GSDME: variants seen among roughly 807,000 people sequenced by gnomAD.
GSDME encodes gasdermin-E.
In GSDME, 44 loss-of-function variants were observed where a neutral mutation model predicts 47.5. The ratio of observed to expected loss-of-function variants is 0.93; its 90% CI spans 0.73 to 1.19. The LOEUF (loss-of-function observed/expected upper bound fraction) is 1.19. GSDME is among the 50% of genes most tolerant of loss of function. The pLI, the probability that GSDME is intolerant of heterozygous loss-of-function variation, is 0.00. For missense variants in GSDME, 663 were observed against 604.2 expected, an observed-to-expected ratio of 1.10 and a Z score of -1.02; for synonymous variants, 258 against 252.8, an observed-to-expected ratio of 1.02 and a Z score of -0.20.
chr7:24,766,132 C>T, the GSDME span, among the ~76,000 whole-genome samples: 1 of 151,602 alleles, frequency 6.6e-6, no homozygotes, highest in South Asian at 2.1e-4. This position sits in a 1 kb window ranked among gnomAD's most constrained non-coding sequence, Gnocchi z 4.2. Context: ...TAAAACAACT[C>T]CTGTAGTTCA....
the GSDME span, among the ~76,000 whole-genome samples, chr7:24,779,434 G>A: frequency 6.6e-6 from 1 of 151,784 alleles, no homozygotes; most frequent in East Asian, 1.9e-4. The surrounding 1 kb of genome is among the most constrained non-coding windows in gnomAD (Gnocchi z 6.0). Context: ...GGAGGCCCAG[G>A]AGTATGGCTG....
At position 24,712,855 on chromosome 7, in the gene GSDME, C is replaced by T. The variant is rs576824669; in HGVS notation, c.698-2467G>A. On this transcript the variant is annotated intron_variant, in intron 5 of 9. Coordinates refer to ENST00000645220, the MANE Select transcript of GSDME (RefSeq NM_001127453.2). This position sits in a 1 kb window ranked among gnomAD's most constrained non-coding sequence, Gnocchi z 4.4. ...CCAACATGGAGAAACCTCGTCTTTA[C>T]TAAAAATACAAAATTAGCCGGGCAT... Among the ~76,000 whole-genome samples the T allele has an allele frequency of 2.8e-4, 42 of 152,174 alleles. No homozygotes were observed. Among genetic ancestry groups the T allele is most frequent in the Admixed American group, 1.8e-3 (27 of 15,296 alleles).
rs755301174 is a variant in GSDME at position 24,717,247 on chromosome 7, C to T, written c.697+7G>A. On this transcript the variant is annotated splice_region_variant and intron_variant, in intron 5 of 9. Coordinates refer to ENST00000645220, the MANE Select transcript of GSDME (RefSeq NM_001127453.2). ...ATCCCTCAGCACCCATAGGAGGTGG[C>T]ACTCACCGAACTGGCCGTCCAGTTT... 6.0e-6 allele frequency: 9 copies of T among 1,495,438 alleles called. No homozygotes were observed. Among genetic ancestry groups the T allele is most frequent in the Middle Eastern group, 1.9e-4 (1 of 5,154 alleles). The allele number at this position is 1,495,438 out of a possible 1,614,324, so 92.6% of individuals were successfully genotyped here. A position where few individuals can be genotyped will look rare whatever the true frequency, so the allele number is the denominator to read the frequency against.
rs953326473 is a variant in GSDME, at chr7:24,757,239, A to C, written c.-20+157T>G. 5.3e-5 allele frequency among the ~76,000 whole-genome samples: 8 copies of C among 151,708 alleles called. No individual in the cohort carries two copies. The highest frequency in any genetic ancestry group is 1.9e-4 in the African/African-American group (8 of 41,252). ...GTTCCGGCGGCCGGGCAGCCAATCGATTCGTCTCCCCTAGGAAGGAGCGAG... is the reference window on the plus strand; with the variant it reads ...GTTCCGGCGGCCGGGCAGCCAATCGCTTCGTCTCCCCTAGGAAGGAGCGAG... On this transcript the variant is annotated intron_variant, in intron 1 of 9. Coordinates refer to ENST00000645220, the MANE Select transcript of GSDME (RefSeq NM_001127453.2). This position sits in a 1 kb window ranked among gnomAD's most constrained non-coding sequence, Gnocchi z 5.9.
chr7:24,711,729 C>T (rs1438447158), intron 5 of GSDME, among the ~76,000 whole-genome samples: 2 of 151,330 alleles, frequency 1.3e-5, no homozygotes, highest in East Asian at 2.0e-4. Flanking sequence ...GTAGGAGGAT[C>T]CCTTAAGCCC....
chr7:24,781,002 C>G, the GSDME span, among the ~76,000 whole-genome samples: 1 of 152,248 alleles, frequency 6.6e-6, no homozygotes, highest in East Asian at 1.9e-4. Flanking sequence ...TTGGGAAACA[C>G]TGGCGTGGCC....
rs1226426418 is a variant in GSDME at position 24,744,764 on chromosome 7, A to G, written c.212-10T>C. ...TCCGACTCCACGACCACTGGAATGG[A>G]GGAGACGAGCAGAGGAAGCCGATGA... On this transcript the variant is annotated splice_polypyrimidine_tract_variant and intron_variant, in intron 2 of 9. Transcript: ENST00000645220. The surrounding 1 kb of genome is among the most constrained non-coding windows in gnomAD (Gnocchi z 4.5). 6.2e-7 allele frequency: 1 copy of G among 1,613,886 alleles called. No homozygotes were observed. Among genetic ancestry groups the G allele is most frequent in the Non-Finnish European group, 8.5e-7 (1 of 1,179,994 alleles).
In GSDME at chr7:24,724,461, G is replaced by A. The variant is rs917984949; in HGVS notation, c.405-5243C>T. On this transcript the variant is annotated intron_variant, in intron 3 of 9. Coordinates refer to ENST00000645220, the MANE Select transcript of GSDME (RefSeq NM_001127453.2). This position sits in a 1 kb window ranked among gnomAD's most constrained non-coding sequence, Gnocchi z 4.8. ...ATCCGCTTCACACATCTAAGGGCAG[G>A]CTCCTTGTTCTTCCTGGCGGGGGCG... Among the ~76,000 whole-genome samples the A allele has an allele frequency of 1.3e-5, 2 of 152,194 alleles. No homozygotes were observed. Among genetic ancestry groups the A allele is most frequent in the Non-Finnish European group, 2.9e-5 (2 of 68,040 alleles).
In GSDME at chr7:24,699,053, GA is replaced by G; in HGVS notation, c.1463del (p.Leu488ProfsTer4). The G allele has an allele frequency of 6.2e-7, 1 of 1,613,634 alleles. No homozygotes were observed. The highest frequency in any genetic ancestry group is 8.5e-7 in the Non-Finnish European group (1 of 1,179,556). The part of the protein sequence containing the change: ...PLLLCITLNG[L>X]CALGREHS ...ATGAATGTTCTCTGCCTAAAGCACA[GA>G]GTCCATTCAGGGTTATACAAAGAAG... On this transcript the variant is annotated frameshift_variant, in exon 10 of 10. Coordinates refer to ENST00000645220, the MANE Select transcript of GSDME (RefSeq NM_001127453.2). LOFTEE classifies it high-confidence loss of function.
chr7:24,698,887 T>A lies in GSDME; in HGVS notation c.*139A>T. 1.4e-6 allele frequency: 1 copy of A among 733,300 alleles called. No individual in the cohort carries two copies. The highest frequency in any genetic ancestry group is 2.4e-6 in the Non-Finnish European group (1 of 413,388). The allele number at this position is 733,300 out of a possible 1,614,324, so 45.4% of individuals were successfully genotyped here. A position where few individuals can be genotyped will look rare whatever the true frequency, so the allele number is the denominator to read the frequency against. On this transcript the variant is annotated 3_prime_UTR_variant, in exon 10 of 10. Transcript: ENST00000645220. Reference sequence around the variant, plus strand: ...ACCTGGTGGCTAAAAGTCAGGTCATTCATCATGCAAAATGTCACCACTTCT... The same window carrying A: ...ACCTGGTGGCTAAAAGTCAGGTCATACATCATGCAAAATGTCACCACTTCT...
intron 5 of GSDME, among the ~76,000 whole-genome samples, chr7:24,713,576 G>A (rs545818863): frequency 6.6e-6 from 1 of 152,340 alleles, no homozygotes; most frequent in African/African-American, 2.4e-5. Flanking sequence ...GGGAGAGGGT[G>A]TGCCATGCCC....
chr7:24,722,104 G>A (rs1789812824), intron 3 of GSDME, among the ~76,000 whole-genome samples: 1 of 152,210 alleles, frequency 6.6e-6, no homozygotes, highest in Non-Finnish European at 1.5e-5. Context: ...CCACAGAGGT[G>A]GTGAGTGTGC....
the GSDME span, among the ~76,000 whole-genome samples, chr7:24,783,640 A>G: frequency 6.6e-6 from 1 of 152,118 alleles, no homozygotes; most frequent in Non-Finnish European, 1.5e-5. Flanking sequence ...GGTGGCAGCT[A>G]AGAGTATGAA....
chr7:24,710,322 A>G lies in GSDME; in HGVS notation c.764T>C (p.Leu255Pro), dbSNP rs1789300222. 6.2e-7 allele frequency: 1 copy of G among 1,614,252 alleles called. No individual in the cohort carries two copies. The highest frequency in any genetic ancestry group is 8.5e-7 in the Non-Finnish European group (1 of 1,180,032). ...AAACTCTCGAAAGACCAGGGGGTCC[A>G]GGTAGACAGAGTCAATTCTCTTCTT... ...ENKKRIDSVY[L>P]DPLVFREFAF... Residue 255 changes from leucine to proline, a missense_variant, in exon 6 of 10, where the codon CTG becomes CCG. Physicochemically the swap from Leu to Pro is moderately conservative, Grantham distance 98. Transcript: ENST00000645220.
In GSDME at chr7:24,728,545, GC is replaced by G. The variant is rs771143031; in HGVS notation, c.405-9328del. On this transcript the variant is annotated intron_variant, in intron 3 of 9. Coordinates refer to ENST00000645220, the MANE Select transcript of GSDME (RefSeq NM_001127453.2). This position sits in a 1 kb window ranked among gnomAD's most constrained non-coding sequence, Gnocchi z 7.2. ...GCACCATCCACCCTCGAAGCTCTGC[GC>G]CCATCTGCCTCTCCCTCCTGAACCT... Among the ~76,000 whole-genome samples the G allele has an allele frequency of 2.4e-4, 36 of 152,150 alleles. No individual in the cohort carries two copies. The highest frequency in any genetic ancestry group is 7.0e-4 in the African/African-American group (29 of 41,422).
chr7:24,768,065 C>G, the GSDME span, among the ~76,000 whole-genome samples: 1 of 152,178 alleles, frequency 6.6e-6, no homozygotes. The surrounding 1 kb of genome is among the most constrained non-coding windows in gnomAD (Gnocchi z 5.6). Context: ...CACCCATGTC[C>G]CAAGGCTGCC....
chr7:24,731,680 G>A (rs1790150818), intron 3 of GSDME, among the ~76,000 whole-genome samples: 1 of 152,210 alleles, frequency 6.6e-6, no homozygotes, highest in Non-Finnish European at 1.5e-5. Flanking sequence ...CTTGCCACAT[G>A]CCAAGCACTA....
At chr7:24,786,200 A>G in the GSDME span, among the ~76,000 whole-genome samples, 1 of 152,224 alleles carries the variant, frequency 6.6e-6, no homozygotes, top group Non-Finnish European at 1.5e-5. This position sits in a 1 kb window ranked among gnomAD's most constrained non-coding sequence, Gnocchi z 5.5. Flanking sequence ...TCTACCCACT[A>G]ACTAGAGATA....
At chr7:24,781,580 G>A in the GSDME span, among the ~76,000 whole-genome samples, 2 of 152,196 alleles carry the variant, frequency 1.3e-5, no homozygotes, top group Non-Finnish European at 2.9e-5. Context: ...TTGATCTTAA[G>A]GCACCTTTAT....
Sources: allele counts gnomAD v4.1 joint callset (sites outside exome capture counted in the v4.1 genomes callset), GRCh38; gene constraint gnomAD v4.1.1; non-coding constraint Gnocchi (gnomAD v3.1); transcripts MANE v1.5; gene names NCBI Gene and HGNC (gene_info 2026-07-23, HGNC 2026-07-21).